Variants in TMEM156 observed in about 807,000 individuals in gnomAD.
The protein encoded by TMEM156 is transmembrane protein 156.
A neutral mutation model predicts 30.5 loss-of-function variants in TMEM156; 28 were observed. The ratio of observed to expected loss-of-function variants is 0.92; its 90% CI spans 0.68 to 1.26. The LOEUF (loss-of-function observed/expected upper bound fraction) is 1.26, where lower values mean the gene tolerates loss of function less well. TMEM156 is among the 50% of genes most tolerant of loss of function. The pLI is 0.00. For synonymous variants in TMEM156, 137 were observed against 119.9 expected (o/e 1.14, Z -0.93); for missense variants, 351 against 340.6 (o/e 1.03, Z -0.24).
chr4:38,989,813 A>G (rs937587821), intron 3 of TMEM156, among the ~76,000 whole-genome samples: 4 of 151,738 alleles, frequency 2.6e-5, no homozygotes, highest in African/African-American at 9.7e-5. Context: ...ATTTTATTTT[A>G]TTTGAGACAG....
intron 1 of TMEM156, among the ~76,000 whole-genome samples, chr4:39,025,696 T>A (rs1715159824): frequency 1.3e-5 from 2 of 152,142 alleles, no homozygotes; most frequent in Admixed American, 6.5e-5. Flanking sequence ...CTTGTCAAAA[T>A]AAGAGAAGCA....
intron 6 of TMEM156, among the ~76,000 whole-genome samples, chr4:38,968,148 A>C (rs1722431374): frequency 6.6e-6 from 1 of 152,220 alleles, no homozygotes; most frequent in South Asian, 2.1e-4. Context: ...TCAGCCTAGG[A>C]CCAAGGAAAC....
intron 2 of TMEM156, among the ~76,000 whole-genome samples, chr4:38,995,889 G>C (rs937460644): frequency 6.6e-6 from 1 of 152,082 alleles, no homozygotes; most frequent in Non-Finnish European, 1.5e-5. Flanking sequence ...GAACCACTAC[G>C]TAAAAGTCCA....
At chr4:39,011,081 C>T (rs2110020212) in intron 1 of TMEM156, among the ~76,000 whole-genome samples, 1 of 152,086 alleles carries the variant, frequency 6.6e-6, no homozygotes, top group East Asian at 1.9e-4. Context: ...AAAACCAACC[C>T]CATTAAAAAG....
At chr4:38,969,548 T>C (rs971496123) in intron 6 of TMEM156, among the ~76,000 whole-genome samples, 2 of 152,234 alleles carry the variant, frequency 1.3e-5, no homozygotes, top group African/African-American at 2.4e-5. Flanking sequence ...TGAGTATAGG[T>C]ATCCCTTTGC....
intron 1 of TMEM156, among the ~76,000 whole-genome samples, chr4:39,025,992 A>G (rs1256939783): frequency 6.6e-6 from 1 of 152,242 alleles, no homozygotes; most frequent in Non-Finnish European, 1.5e-5. Flanking sequence ...TGCTCCCTCA[A>G]CAGATATTCA....
chr4:39,016,435 C>T (rs1577576202), intron 1 of TMEM156, among the ~76,000 whole-genome samples: 1 of 150,068 alleles, frequency 6.7e-6, no homozygotes, highest in South Asian at 2.1e-4. Context: ...CTTTCTGTAT[C>T]TATTCTTTTA....
chr4:38,981,818 A>G (rs1560358700), intron 5 of TMEM156, among the ~76,000 whole-genome samples: 1 of 152,308 alleles, frequency 6.6e-6, no homozygotes, highest in East Asian at 1.9e-4. Context: ...CTCCTTAACT[A>G]TGTTGGAAGC....
chr4:38,986,260 G>T, intron 5 of TMEM156, 76 bp downstream of exon 5: 1 of 999,254 alleles, frequency 1.0e-6, no homozygotes, highest in South Asian at 1.3e-5. Context: ...CTCAGATCTT[G>T]AGTTTACTGT....
chr4:39,021,246 A>T (rs1326229115), intron 1 of TMEM156, among the ~76,000 whole-genome samples: 2 of 151,968 alleles, frequency 1.3e-5, no homozygotes, highest in Admixed American at 6.6e-5. Context: ...CTACAAAAAA[A>T]ATTTAAAAAT....
At chr4:38,982,918 G>A (rs1206848826) in intron 5 of TMEM156, among the ~76,000 whole-genome samples, 2 of 152,196 alleles carry the variant, frequency 1.3e-5, no homozygotes, top group Non-Finnish European at 2.9e-5. Context: ...ACATGTCAGG[G>A]GTGATGACAA....
intron 1 of TMEM156, chr4:39,028,254 A>G (rs1715327964): frequency 6.6e-6 from 1 of 152,174 alleles, no homozygotes; most frequent in African/African-American, 2.4e-5. Flanking sequence ...GACTCACTGC[A>G]ATTGCCACTT....
chr4:39,020,689 A>T (rs1306710637), intron 1 of TMEM156, among the ~76,000 whole-genome samples: 1 of 152,118 alleles, frequency 6.6e-6, no homozygotes, highest in Non-Finnish European at 1.5e-5. Flanking sequence ...AGCTGTGACA[A>T]CAGGCACATG....
At chr4:39,023,207 C>G (rs762918596) in intron 1 of TMEM156, among the ~76,000 whole-genome samples, 7 of 152,200 alleles carry the variant, frequency 4.6e-5, no homozygotes, top group Non-Finnish European at 8.8e-5. Context: ...ATCAACCATG[C>G]TGGCATACTG....
At chr4:39,018,258 A>G (rs575308954) in intron 1 of TMEM156, among the ~76,000 whole-genome samples, 1 of 152,318 alleles carries the variant, frequency 6.6e-6, no homozygotes, top group African/African-American at 2.4e-5. Context: ...GTCTTAGGAT[A>G]CTTTAACTCG....
chr4:38,979,574 T>C (rs970742989), intron 5 of TMEM156, among the ~76,000 whole-genome samples: 1 of 152,220 alleles, frequency 6.6e-6, no homozygotes, highest in African/African-American at 2.4e-5. Context: ...GCCATATATA[T>C]TCAGCAGGGG....
At chr4:38,985,624 G>A (rs1467731173) in intron 5 of TMEM156, among the ~76,000 whole-genome samples, 3 of 152,106 alleles carry the variant, frequency 2.0e-5, no homozygotes, top group Non-Finnish European at 4.4e-5. Context: ...AAAGTACGAA[G>A]GCACCTACTC....
chr4:39,031,124 G>A (rs1000893670), intron 1 of TMEM156, among the ~76,000 whole-genome samples: 27 of 152,112 alleles, frequency 1.8e-4, no homozygotes, highest in African/African-American at 6.5e-4. Context: ...AATCAAATAT[G>A]AGTTTTTCTC....
At chr4:39,030,443 T>G (rs979517882) in intron 1 of TMEM156, among the ~76,000 whole-genome samples, 1 of 152,180 alleles carries the variant, frequency 6.6e-6, no homozygotes, top group Non-Finnish European at 1.5e-5. Flanking sequence ...AGCTCTTTCT[T>G]CTACCTACCA....
Sources: allele counts gnomAD v4.1 joint callset (sites outside exome capture counted in the v4.1 genomes callset), GRCh38; gene constraint gnomAD v4.1.1; transcripts MANE v1.5; gene names NCBI Gene and HGNC (gene_info 2026-07-23, HGNC 2026-07-21).